ESYT2: variants seen among roughly 807,000 people sequenced by gnomAD.
ESYT2 encodes extended synaptotagmin 2, also known as extended synaptotagmin-2.
A neutral mutation model predicts 107.2 loss-of-function variants in ESYT2; 54 were observed. The observed-to-expected ratio is 0.50, with a 90% confidence interval of 0.40 to 0.63. The LOEUF (loss-of-function observed/expected upper bound fraction) is 0.63. Ranked by LOEUF, ESYT2 falls within the 30% of genes least tolerant of loss-of-function variation. The pLI is 0.00. For synonymous variants in ESYT2, 491 were observed against 434.1 expected, an observed-to-expected ratio of 1.13 and a Z score of -1.63; for missense variants, 1,020 against 1,094.5, an observed-to-expected ratio of 0.93 and a Z score of 0.96.
rs75784629 is a variant in ESYT2 at position 158,735,430 on chromosome 7, A to G, written c.2505+73T>C. On this transcript the variant is annotated intron_variant, in intron 21 of 22. Coordinates refer to ENST00000275418, the MANE Select transcript of ESYT2 (RefSeq NM_001367773.1). ...CCTTCCACTTACACAGACATGGTCT[A>G]AACACTGCACTGCAGGTAAATGTTC... 35 of 1,295,060 alleles carry G rather than the reference A, an allele frequency of 2.7e-5. 1 individual carries two copies. The South Asian group carries it at 4.2e-4, about 16-fold the overall frequency. 80.2% of individuals were successfully genotyped at this position (1,295,060 alleles called of 1,614,324 possible).
At chr7:158,734,397 C>G (rs188268487) in intron 22 of ESYT2, 25 bp downstream of exon 22, 2 of 1,613,308 alleles carry the variant, frequency 1.2e-6, no homozygotes, top group African/African-American at 2.7e-5. Context: ...CACTGGGGTT[C>G]TCTGTCTGCA....
intron 21 of ESYT2, 142 bp from the exon 22 acceptor site, chr7:158,734,613 A>G (rs1192365345): frequency 2.8e-6 from 2 of 704,968 alleles, no homozygotes; most frequent in East Asian, 5.5e-5. Flanking sequence ...AGATAGTGAA[A>G]CCTTGTCTCT....
At chr7:158,751,160 C>T (rs1837572675) in intron 14 of ESYT2, among the ~76,000 whole-genome samples, 2 of 152,090 alleles carry the variant, frequency 1.3e-5, no homozygotes, top group African/African-American at 2.4e-5. Context: ...GGGAGGTTGG[C>T]AGTAGTGAGA....
intron 1 of ESYT2, among the ~76,000 whole-genome samples, chr7:158,801,729 GTACGAT>G (rs1189192389): frequency 2.3e-4 from 35 of 152,070 alleles, no homozygotes; most frequent in Admixed American, 2.3e-3. Context: ...AATAATCATT[GTACGAT>G]TATTCACGTT....
chr7:158,759,423 G>A, intron 13 of ESYT2, 63 bp downstream of exon 13: 1 of 1,321,088 alleles, frequency 7.6e-7, no homozygotes, highest in Non-Finnish European at 1.1e-6. Flanking sequence ...CAAAGCAGTG[G>A]TTATAAGCAA....
intron 21 of ESYT2, 47 bp downstream of exon 21, chr7:158,735,456 A>T: frequency 6.5e-7 from 1 of 1,540,388 alleles, no homozygotes; most frequent in Non-Finnish European, 9.0e-7. Flanking sequence ...GTAAATGTTC[A>T]ATTTTACAAA....
chr7:158,741,177 C>A (rs1027912579), intron 18 of ESYT2, among the ~76,000 whole-genome samples: 1 of 152,170 alleles, frequency 6.6e-6, no homozygotes, highest in African/African-American at 2.4e-5. Flanking sequence ...GTGGCCGCAG[C>A]GAGGCCCGCG....
chr7:158,747,649 C>A (rs146591058), intron 16 of ESYT2, among the ~76,000 whole-genome samples: 83 of 152,290 alleles, frequency 5.5e-4, no homozygotes, highest in African/African-American at 1.9e-3. Flanking sequence ...AACAATTTGG[C>A]AGTTTATTAA....
At chr7:158,773,656 A>T (rs1838450728) in intron 6 of ESYT2, among the ~76,000 whole-genome samples, 1 of 152,236 alleles carries the variant, frequency 6.6e-6, no homozygotes, top group Admixed American at 6.5e-5. Flanking sequence ...ATGGATGGAT[A>T]CTTAGAATTT....
At chr7:158,793,187 G>A (rs1839362283) in intron 4 of ESYT2, among the ~76,000 whole-genome samples, 1 of 152,128 alleles carries the variant, frequency 6.6e-6, no homozygotes, top group Non-Finnish European at 1.5e-5. Flanking sequence ...TTTGTTAAAT[G>A]CTTTTTCTCC....
At chr7:158,763,228 A>G in intron 9 of ESYT2, 63 bp from the exon 10 acceptor site, 1 of 1,129,780 alleles carries the variant, frequency 8.9e-7, no homozygotes, top group Non-Finnish European at 1.3e-6. Flanking sequence ...ACTGAGTATG[A>G]TATGATGATT....
intron 5 of ESYT2, 35 bp from the exon 6 acceptor site, chr7:158,788,128 A>T (rs1157881584): frequency 6.4e-7 from 1 of 1,565,376 alleles, no homozygotes; most frequent in African/African-American, 1.4e-5. Flanking sequence ...TATGTAATAG[A>T]AAACATTCTG....
intron 17 of ESYT2, among the ~76,000 whole-genome samples, chr7:158,742,336 C>T (rs987555700): frequency 6.6e-6 from 1 of 152,240 alleles, no homozygotes; most frequent in Non-Finnish European, 1.5e-5. Flanking sequence ...ACAACCTGGG[C>T]AGAAGCTCCT....
Position 158,741,617 on chromosome 7 carries a change from T to C in ESYT2, c.2074A>G (p.Ile692Val), listed in dbSNP as rs1490080362. 6.2e-7 allele frequency: 1 copy of C among 1,612,998 alleles called. No individual in the cohort carries two copies. The highest frequency in any genetic ancestry group is 1.3e-5 in the African/African-American group (1 of 74,978). The change falls in exon 18 of 23, where the codon ATC becomes GTC. Residue 692 changes from isoleucine to valine, a missense_variant. Ile to Val is a conservative substitution (Grantham distance 29, BLOSUM62 3). Coordinates refer to ENST00000275418, the MANE Select transcript of ESYT2 (RefSeq NM_001367773.1). Reference sequence around the variant, plus strand: ...CTGGGGGTCGGCTCCTTGACTGAGATGTGGCCTGGGGAGGCCAGGAGGCTG... The same window carrying C: ...CTGGGGGTCGGCTCCTTGACTGAGACGTGGCCTGGGGAGGCCAGGAGGCTG... ...SSSLLASPGHISVKEPTPSIA... is the reference protein window; with the variant it reads ...SSSLLASPGHVSVKEPTPSIA...
chr7:158,788,078 G>A lies in ESYT2; in HGVS notation c.673C>T (p.Arg225Trp), dbSNP rs752780690. 16 of 1,613,782 alleles carry A rather than the reference G, an allele frequency of 9.9e-6. No individual in the cohort carries two copies. The highest frequency in any genetic ancestry group is 5.0e-5 in the Admixed American group (3 of 60,000). The change falls in exon 6 of 23, where the codon CGG becomes TGG. Residue 225 changes from arginine to tryptophan, a missense_variant. Coordinates refer to ENST00000275418, the MANE Select transcript of ESYT2 (RefSeq NM_001367773.1). Reference sequence around the variant, plus strand: ...CCAATCAACGGTTCCAGGATCACCCGCATGGTACCATGAATCTAAACTCAA... The same window carrying A: ...CCAATCAACGGTTCCAGGATCACCCACATGGTACCATGAATCTAAACTCAA... ...VKSIQIHGTM[R>W]VILEPLIGDM...
intron 10 of ESYT2, 89 bp from the exon 11 acceptor site, chr7:158,761,633 T>C: frequency 1.7e-6 from 2 of 1,182,156 alleles, no homozygotes; most frequent in South Asian, 2.5e-5. Flanking sequence ...CATTTCTTCC[T>C]GAAACAACCT....
In ESYT2 at chr7:158,748,243, T is replaced by C; in HGVS notation, c.1595A>G (p.Asn532Ser). The C allele has an allele frequency of 6.2e-7, 1 of 1,614,120 alleles. No homozygotes were observed. The highest frequency in any genetic ancestry group is 8.5e-7 in the Non-Finnish European group (1 of 1,180,032). ...YKTNEPVWEE[N>S]FTFFIHNPKR... ...GGGATTGTGAATGAAGAAAGTGAAG[T>C]TTTCCTCCCACACAGGTTCATTGGT... Residue 532 changes from asparagine (N) to serine (S), a missense_variant, in exon 16 of 23, where the codon AAC (asparagine) becomes AGC (serine). Coordinates refer to ENST00000275418, the MANE Select transcript of ESYT2 (RefSeq NM_001367773.1).
At chr7:158,738,886 A>C in intron 19 of ESYT2, 137 bp downstream of exon 19, 4 of 869,040 alleles carry the variant, frequency 4.6e-6, no homozygotes, top group African/African-American at 1.7e-5. Context: ...CACCGTCTCT[A>C]GAGGTTTAAT....
At chr7:158,741,994 TA>T in intron 17 of ESYT2, 98 bp from the exon 18 acceptor site, 1 of 1,411,414 alleles carries the variant, frequency 7.1e-7, no homozygotes, top group East Asian at 2.5e-5. Flanking sequence ...AAAATTTCTT[TA>T]AAACTTAGCT....
Sources: allele counts gnomAD v4.1 joint callset (sites outside exome capture counted in the v4.1 genomes callset), GRCh38; gene constraint gnomAD v4.1.1; transcripts MANE v1.5; gene names NCBI Gene and HGNC (gene_info 2026-07-23, HGNC 2026-07-21).